Variants in TRAT1 observed in about 807,000 individuals in gnomAD.
TRAT1 encodes T cell receptor associated transmembrane adaptor 1.
In TRAT1, 20 loss-of-function variants were observed where a neutral mutation model predicts 20.0. The ratio of observed to expected loss-of-function variants is 1.00; its 90% CI spans 0.70 to 1.45. TRAT1 has a LOEUF of 1.45. Ranked by LOEUF, TRAT1 falls within the 40% of genes most tolerant of loss-of-function variation. The pLI is 0.00. For missense variants in TRAT1, 237 were observed against 224.1 expected, an observed-to-expected ratio of 1.06 and a Z score of -0.37; for synonymous variants, 77 against 74.2, an observed-to-expected ratio of 1.04 and a Z score of -0.20.
At chr3:108,842,056 G>A (rs1397369242) in intron 3 of TRAT1, among the ~76,000 whole-genome samples, 1 of 152,148 alleles carries the variant, frequency 6.6e-6, no homozygotes, top group African/African-American at 2.4e-5. Context: ...AAAAATTAAT[G>A]CCTCTGAAAA....
At chr3:108,830,900 T>C (rs1235897176) in intron 2 of TRAT1, 120 bp downstream of exon 2, 4 of 665,838 alleles carry the variant, frequency 6.0e-6, no homozygotes, top group Non-Finnish European at 1.1e-5. Flanking sequence ...TTTTTATCTA[T>C]AGAAAATCTA....
chr3:108,823,017 G>C, intron 1 of TRAT1, 83 bp downstream of exon 1: 1 of 1,199,348 alleles, frequency 8.3e-7, no homozygotes, highest in East Asian at 2.4e-5. Flanking sequence ...AAGACCCTTA[G>C]TATTTAGAAA....
At chr3:108,824,050 C>A (rs1162720753) in intron 1 of TRAT1, among the ~76,000 whole-genome samples, 1 of 151,908 alleles carries the variant, frequency 6.6e-6, no homozygotes, top group Non-Finnish European at 1.5e-5. Flanking sequence ...TTTTGTATTT[C>A]TAATAGAGAC....
chr3:108,831,255 A>ATGGG (rs1345671466), intron 2 of TRAT1, among the ~76,000 whole-genome samples: 2 of 152,202 alleles, frequency 1.3e-5, no homozygotes, highest in Non-Finnish European at 2.9e-5. Flanking sequence ...AGATTGAACC[A>ATGGG]TGGGCTTGCT....
chr3:108,830,797 A>G lies in TRAT1; in HGVS notation c.118+17A>G. The G allele has an allele frequency of 6.6e-7, 1 of 1,516,438 alleles. No homozygotes were observed. Among genetic ancestry groups the G allele is most frequent in the Non-Finnish European group, 9.2e-7 (1 of 1,091,064 alleles). The allele number at this position is 1,516,438 out of a possible 1,614,324, so 93.9% of individuals were successfully genotyped here. A position where few individuals can be genotyped will look rare whatever the true frequency, so the allele number is the denominator to read the frequency against. On this transcript the variant is annotated intron_variant, in intron 2 of 5. Coordinates refer to ENST00000295756, the MANE Select transcript of TRAT1 (RefSeq NM_016388.4). ...AACGACAAGGTAAGACATTTTGACA[A>G]ATTTCACATGGTACCTGCTTGAATG...
At chr3:108,852,393 G>A (rs1156809413) in intron 5 of TRAT1, among the ~76,000 whole-genome samples, 4 of 47,480 alleles carry the variant, frequency 8.4e-5, no homozygotes, top group African/African-American at 8.1e-5. Context: ...AAAAACACAC[G>A]CATGCACACA....
At chr3:108,823,009 G>T in intron 1 of TRAT1, 75 bp downstream of exon 1, 1 of 1,273,582 alleles carries the variant, frequency 7.9e-7, no homozygotes, top group Non-Finnish European at 1.1e-6. Flanking sequence ...CTAACGAGAA[G>T]ACCCTTAGTA....
In TRAT1 at chr3:108,853,800, G is replaced by A. The variant is rs760255838; in HGVS notation, c.484G>A (p.Ala162Thr). 3.7e-6 allele frequency: 6 copies of A among 1,614,102 alleles called. No homozygotes were observed. Among genetic ancestry groups the A allele is most frequent in the Non-Finnish European group, 5.1e-6 (6 of 1,179,970 alleles). The part of the protein sequence containing the change: ...LVDSFSPESQ[A>T]VEENIHDDPI... ...AGACAGTTTCTCCCCAGAAAGCCAG[G>A]CAGTAGAGGAAAACATTCATGATGA... Residue 162 changes from alanine to threonine, a missense_variant, in exon 6 of 6, where the codon GCA becomes ACA. Physicochemically the swap from Ala to Thr is moderately conservative, Grantham distance 58. Coordinates refer to ENST00000295756, the MANE Select transcript of TRAT1 (RefSeq NM_016388.4).
At chr3:108,825,183 G>T (rs1945724925) in intron 1 of TRAT1, among the ~76,000 whole-genome samples, 1 of 152,030 alleles carries the variant, frequency 6.6e-6, no homozygotes, top group Non-Finnish European at 1.5e-5. Context: ...ACACACAAAA[G>T]AATAATTATT....
chr3:108,839,487 C>A (rs112829678), intron 3 of TRAT1, among the ~76,000 whole-genome samples: 86 of 150,758 alleles, frequency 5.7e-4, no homozygotes, highest in African/African-American at 1.9e-3. Flanking sequence ...CAAAACAAAA[C>A]AAAAAAAAAT....
chr3:108,837,317 C>G (rs1286754540), intron 2 of TRAT1, among the ~76,000 whole-genome samples: 1 of 152,202 alleles, frequency 6.6e-6, no homozygotes, highest in Non-Finnish European at 1.5e-5. Context: ...CCCATAGCAG[C>G]TTAGTGCATA....
chr3:108,852,963 G>A (rs779935321), intron 5 of TRAT1, among the ~76,000 whole-genome samples: 11 of 152,308 alleles, frequency 7.2e-5, no homozygotes, highest in South Asian at 4.1e-4. Flanking sequence ...GGTCTAGTCC[G>A]GAGAAGCCCA....
At chr3:108,850,943 C>T (rs1270181643) in intron 5 of TRAT1, among the ~76,000 whole-genome samples, 4 of 152,132 alleles carry the variant, frequency 2.6e-5, no homozygotes, top group Non-Finnish European at 5.9e-5. Context: ...TATGCAAAGC[C>T]TTAAAATGTC....
intron 1 of TRAT1, 30 bp from the exon 2 acceptor site, chr3:108,830,640 T>C (rs757178697): frequency 4.9e-6 from 7 of 1,426,096 alleles, no homozygotes; most frequent in Middle Eastern, 1.7e-4. Flanking sequence ...GCAGCTGTTA[T>C]ATTATGTGTA....
At chr3:108,836,153 C>T (rs1005725688) in intron 2 of TRAT1, among the ~76,000 whole-genome samples, 3 of 152,086 alleles carry the variant, frequency 2.0e-5, no homozygotes, top group Non-Finnish European at 4.4e-5. Flanking sequence ...CTCCCGACCT[C>T]GTGATCTGCC....
At chr3:108,822,971 GT>G (rs1945706146) in intron 1 of TRAT1, 37 bp downstream of exon 1, 2 of 1,599,132 alleles carry the variant, frequency 1.3e-6, no homozygotes, top group South Asian at 2.2e-5. Context: ...CCATTTGTGT[GT>G]CTAAAAATTC....
At chr3:108,830,911 T>C (rs1471574390) in intron 2 of TRAT1, 131 bp downstream of exon 2, 1 of 633,800 alleles carries the variant, frequency 1.6e-6, no homozygotes, top group Non-Finnish European at 2.8e-6. Context: ...AGAAAATCTA[T>C]TTGCTAATTT....
chr3:108,841,096 TA>T (rs1396962588), intron 3 of TRAT1, among the ~76,000 whole-genome samples: 1 of 152,240 alleles, frequency 6.6e-6, no homozygotes, highest in Non-Finnish European at 1.5e-5. Flanking sequence ...CAGCACATTC[TA>T]CAGTTATTCT....
intron 1 of TRAT1, among the ~76,000 whole-genome samples, chr3:108,824,880 G>T (rs1311913141): frequency 6.6e-6 from 1 of 152,186 alleles, no homozygotes; most frequent in Non-Finnish European, 1.5e-5. Context: ...CGGTGAATAT[G>T]ACATTCCTCT....
Sources: allele counts gnomAD v4.1 joint callset (sites outside exome capture counted in the v4.1 genomes callset), GRCh38; gene constraint gnomAD v4.1.1; transcripts MANE v1.5; gene names NCBI Gene and HGNC (gene_info 2026-07-23, HGNC 2026-07-21).